The following CARS2 variants were observed in gnomAD, a reference collection of about 807,000 sequenced individuals.
CARS2 encodes probable cysteine--tRNA ligase, mitochondrial.
A neutral mutation model predicts 68.8 loss-of-function variants in CARS2; 52 were observed. That is an observed-to-expected ratio of 0.76 (90% CI 0.61 to 0.95). The LOEUF (loss-of-function observed/expected upper bound fraction) is 0.95, where lower values mean the gene tolerates loss of function less well. Among genes scored for constraint, CARS2 ranks in the 40% least tolerant of loss-of-function variants. The pLI, the probability that CARS2 is intolerant of heterozygous loss-of-function variation, is 0.00. For synonymous variants in CARS2, 314 were observed against 303.6 expected (o/e 1.03, Z -0.36); for missense variants, 780 against 754.2 (o/e 1.03, Z -0.40).
chr13:110,655,666 A>T (rs1353984942), intron 9 of CARS2, among the ~76,000 whole-genome samples: 1 of 152,220 alleles, frequency 6.6e-6, no homozygotes, highest in African/African-American at 2.4e-5. Flanking sequence ...TTCCAGACTT[A>T]GTACCTTTGA....
chr13:110,642,892 G>A, intron 13 of CARS2: 1 of 465,700 alleles, frequency 2.1e-6, no homozygotes, highest in Non-Finnish European at 4.1e-6. Context: ...CTGGGGGGCA[G>A]CGACTGAGCG....
chr13:110,651,949 G>A (rs149158022), intron 9 of CARS2, among the ~76,000 whole-genome samples: 51 of 152,354 alleles, frequency 3.3e-4, no homozygotes, highest in Admixed American at 7.2e-4. Flanking sequence ...AAAGAAAGCC[G>A]AGCTCCGACT....
intron 2 of CARS2, among the ~76,000 whole-genome samples, chr13:110,702,984 C>T (rs1189902765): frequency 6.6e-6 from 1 of 152,128 alleles, no homozygotes; most frequent in Non-Finnish European, 1.5e-5. Flanking sequence ...CAGTGTGACT[C>T]CGTCTACCAT....
chr13:110,645,879 C>T (rs1008383099), intron 12 of CARS2, 88 bp downstream of exon 12: 17 of 1,493,168 alleles, frequency 1.1e-5, no homozygotes, highest in Non-Finnish European at 1.5e-5. Context: ...GCAGAGATGC[C>T]ACCCAGCCGA....
intron 10 of CARS2, chr13:110,648,328 A>G (rs1341914613): frequency 6.6e-6 from 1 of 152,256 alleles, no homozygotes; most frequent in Non-Finnish European, 1.5e-5. Flanking sequence ...CATTAATGAC[A>G]CAGCAAGATG....
At position 110,705,836 on chromosome 13, in the gene CARS2, G is replaced by GC. The variant is rs1028755567; in HGVS notation, c.224+33dup. On this transcript the variant is annotated intron_variant, in intron 1 of 14. Coordinates refer to ENST00000257347, the MANE Select transcript of CARS2 (RefSeq NM_024537.4). The surrounding 1 kb of genome is among the most constrained non-coding windows in gnomAD (Gnocchi z 4.0). Reference sequence around the variant, plus strand: ...CCGTGGGAAGTCTCCGCCACGATCGGCCCCCGCCCGTGCCCCAGTCCCGCG... The same window carrying GC: ...CCGTGGGAAGTCTCCGCCACGATCGGCCCCCCGCCCGTGCCCCAGTCCCGCG... The GC allele has an allele frequency of 1.6e-5, 25 of 1,534,012 alleles. No individual in the cohort carries two copies. The highest frequency in any genetic ancestry group is 1.9e-5 in the Non-Finnish European group (22 of 1,142,262).
chr13:110,646,376 T>G, intron 11 of CARS2: 2 of 255,012 alleles, frequency 7.8e-6, no homozygotes, highest in South Asian at 7.6e-5. Context: ...AATCAATAGA[T>G]ATTGAGGGGA....
intron 8 of CARS2, chr13:110,664,534 T>TAA (rs2062594672): frequency 5.9e-6 from 5 of 842,344 alleles, no homozygotes; most frequent in East Asian, 2.5e-4. Flanking sequence ...AATAAATAAA[T>TAA]ACACCAACCA....
intron 1 of CARS2, chr13:110,712,866 A>C: frequency 7.7e-7 from 1 of 1,300,492 alleles, no homozygotes; most frequent in South Asian, 1.3e-5. Context: ...CTTTGTCTCC[A>C]AGCCGTTCCA....
intron 6 of CARS2, chr13:110,677,948 G>A (rs74125033): frequency 0.18 from 27,456 of 152,594 alleles, 2,762 homozygotes; most frequent in African/African-American, 0.26. Flanking sequence ...GGCCACCCCG[G>A]TGGAAGCCCC....
intron 6 of CARS2, among the ~76,000 whole-genome samples, chr13:110,678,289 G>A (rs1455869128): frequency 2.6e-5 from 4 of 152,198 alleles, no homozygotes; most frequent in Non-Finnish European, 5.9e-5. Context: ...GTCAGGTAAC[G>A]CGGCTTATGG....
At chr13:110,703,186 C>T (rs1343527430) in intron 2 of CARS2, among the ~76,000 whole-genome samples, 2 of 152,230 alleles carry the variant, frequency 1.3e-5, no homozygotes, top group African/African-American at 4.8e-5. Flanking sequence ...GTGTCTCTTT[C>T]CAGTGAACTG....
chr13:110,644,231 G>T, intron 13 of CARS2, 154 bp downstream of exon 13: 1 of 1,420,618 alleles, frequency 7.0e-7, no homozygotes, highest in Non-Finnish European at 9.6e-7. Flanking sequence ...TTGGCTCTGA[G>T]TGTGTTTATT....
rs577658454 is a variant in CARS2 at position 110,641,748 on chromosome 13, C to T, written c.1624-140G>A. ...AGCTTGCCAGGCGCTTAGAAAGGGC[C>T]CCACTACCTCCAGCAGAAGGCCAGG... On this transcript the variant is annotated intron_variant, in intron 14 of 14. Transcript: ENST00000257347. 1.1e-5 allele frequency: 8 copies of T among 722,270 alleles called. No homozygotes were observed. The East Asian group carries it at 2.0e-4, about 18-fold the overall frequency. 44.7% of individuals were successfully genotyped at this position (722,270 alleles called of 1,614,324 possible). A position where few individuals can be genotyped will look rare whatever the true frequency, so the allele number is the denominator to read the frequency against.
chr13:110,675,296 T>G (rs1025370705), intron 7 of CARS2, among the ~76,000 whole-genome samples: 40 of 152,298 alleles, frequency 2.6e-4, no homozygotes, highest in African/African-American at 9.4e-4. Context: ...TAGCAAAGAC[T>G]TGGAACCAAC....
intron 1 of CARS2, chr13:110,712,508 A>AG (rs2064040343): frequency 1.2e-5 from 3 of 241,882 alleles, no homozygotes; most frequent in South Asian, 3.0e-5. Flanking sequence ...CACGCCCAGG[A>AG]GGGGCGGGCC....
At chr13:110,654,105 G>A (rs192769290) in intron 9 of CARS2, among the ~76,000 whole-genome samples, 1 of 152,320 alleles carries the variant, frequency 6.6e-6, no homozygotes, top group African/African-American at 2.4e-5. Flanking sequence ...GTAACAGGGT[G>A]CACACTCACA....
intron 9 of CARS2, among the ~76,000 whole-genome samples, chr13:110,658,245 C>A (rs1034848882): frequency 6.6e-6 from 1 of 152,290 alleles, no homozygotes; most frequent in Admixed American, 6.5e-5. Flanking sequence ...ATCTTGAGAA[C>A]ACCATGCTAA....
intron 3 of CARS2, among the ~76,000 whole-genome samples, chr13:110,700,033 C>T (rs185275521): frequency 6.6e-6 from 1 of 152,246 alleles, no homozygotes; most frequent in Non-Finnish European, 1.5e-5. Context: ...GGCAGGGGTA[C>T]TTGCCCAGAG....
Sources: gnomAD v4.1 joint callset for allele counts (sites outside exome capture counted in the v4.1 genomes callset) on GRCh38, gnomAD v4.1.1 for gene constraint, Gnocchi (gnomAD v3.1) non-coding constraint, MANE v1.5 for transcripts, NCBI Gene and HGNC (gene_info 2026-07-23, HGNC 2026-07-21) for gene names.